Variants in CPNE8 observed in about 807,000 individuals in gnomAD.
The protein encoded by CPNE8 is copine-8.
In CPNE8, 45 loss-of-function variants were observed where a neutral mutation model predicts 81.5. That is an observed-to-expected ratio of 0.55 (90% confidence interval 0.44 to 0.71). The LOEUF (loss-of-function observed/expected upper bound fraction) is 0.71. CPNE8 is among the 30% of genes least tolerant of loss of function. The pLI, the probability that CPNE8 is intolerant of heterozygous loss-of-function variation, is 0.00. For missense variants in CPNE8, 594 were observed against 672.1 expected (o/e 0.88, Z 1.28); for synonymous variants, 252 against 226.3 (o/e 1.11, Z -1.02).
intron 7 of CPNE8, among the ~76,000 whole-genome samples, chr12:38,775,199 G>A (rs1344752403): frequency 6.6e-6 from 1 of 152,062 alleles, no homozygotes; most frequent in Admixed American, 6.6e-5. Flanking sequence ...ATAGCTCACG[G>A]CAGCCTTGAA....
intron 7 of CPNE8, among the ~76,000 whole-genome samples, chr12:38,769,790 C>T (rs1385427873): frequency 6.6e-6 from 1 of 152,094 alleles, no homozygotes; most frequent in African/African-American, 2.4e-5. Flanking sequence ...CATAGGCTCA[C>T]TGGTAAATGT....
At chr12:38,726,706 C>T (rs1940707561) in intron 11 of CPNE8, 1 of 152,218 alleles carries the variant, frequency 6.6e-6, no homozygotes, top group South Asian at 2.1e-4. Flanking sequence ...ATTTTTCCAC[C>T]TACAAATCAT....
At chr12:38,739,878 T>C (rs1195978850) in intron 10 of CPNE8, among the ~76,000 whole-genome samples, 1 of 152,178 alleles carries the variant, frequency 6.6e-6, no homozygotes, top group Non-Finnish European at 1.5e-5. Flanking sequence ...ATATTCAGAA[T>C]TAGTTTGTGC....
intron 8 of CPNE8, among the ~76,000 whole-genome samples, chr12:38,765,502 T>C (rs952518471): frequency 1.3e-5 from 2 of 152,192 alleles, no homozygotes; most frequent in Admixed American, 6.5e-5. Context: ...AGTTTTTGTC[T>C]TTCTTACGAA....
At chr12:38,780,210 T>G (rs1039462860) in intron 6 of CPNE8, among the ~76,000 whole-genome samples, 2 of 152,136 alleles carry the variant, frequency 1.3e-5, no homozygotes, top group Admixed American at 6.5e-5. Context: ...TTGTAAAAAA[T>G]CAGTTGACTA....
At chr12:38,737,055 C>A (rs1304109110) in intron 10 of CPNE8, among the ~76,000 whole-genome samples, 1 of 151,970 alleles carries the variant, frequency 6.6e-6, no homozygotes, top group African/African-American at 2.4e-5. Flanking sequence ...CTGTGTGACT[C>A]AGTGTCCTGT....
At chr12:38,802,703 T>G (rs1942704143) in intron 6 of CPNE8, among the ~76,000 whole-genome samples, 1 of 151,658 alleles carries the variant, frequency 6.6e-6, no homozygotes, top group Non-Finnish European at 1.5e-5. Flanking sequence ...CTTCCAAAAA[T>G]CAATGAATCC....
intron 14 of CPNE8, among the ~76,000 whole-genome samples, chr12:38,701,153 C>A (rs1449849613): frequency 1.3e-5 from 2 of 152,116 alleles, no homozygotes; most frequent in Non-Finnish European, 2.9e-5. Flanking sequence ...TGGGAAGTAA[C>A]CTTCTTTCAC....
At chr12:38,668,845 C>T (rs1429495021) in intron 19 of CPNE8, among the ~76,000 whole-genome samples, 2 of 151,766 alleles carry the variant, frequency 1.3e-5, no homozygotes, top group African/African-American at 4.8e-5. Context: ...GTCAGGAGGT[C>T]GAGACCATTC....
chr12:38,865,860 GTTCAAT>G (rs1943905469), intron 3 of CPNE8, among the ~76,000 whole-genome samples: 1 of 152,184 alleles, frequency 6.6e-6, no homozygotes, highest in Admixed American at 6.5e-5. Context: ...GTGTATACTT[GTTCAAT>G]TGAACACATG....
intron 1 of CPNE8, among the ~76,000 whole-genome samples, chr12:38,890,268 T>C (rs1944295814): frequency 1.3e-5 from 2 of 152,144 alleles, no homozygotes. Context: ...TTAGGCTAAA[T>C]ATAATCAACT....
At chr12:38,728,632 G>A (rs979169457) in intron 11 of CPNE8, among the ~76,000 whole-genome samples, 2 of 152,030 alleles carry the variant, frequency 1.3e-5, no homozygotes, top group Admixed American at 6.6e-5. Context: ...ACACCATTAA[G>A]CATAACAACA....
chr12:38,709,915 C>A (rs1166104502), intron 13 of CPNE8, among the ~76,000 whole-genome samples: 1 of 152,070 alleles, frequency 6.6e-6, no homozygotes, highest in East Asian at 1.9e-4. Flanking sequence ...GCCTTATTTT[C>A]TATCCTTTCT....
intron 6 of CPNE8, among the ~76,000 whole-genome samples, chr12:38,808,748 TATA>T (rs1172928374): frequency 6.6e-6 from 1 of 150,614 alleles, no homozygotes; most frequent in Non-Finnish European, 1.5e-5. Flanking sequence ...AAACTTAAAG[TATA>T]ATAATAATAA....
Position 38,653,709 on chromosome 12 carries a change from A to G in CPNE8, c.*173T>C. 3 of 912,752 alleles carry G rather than the reference A, an allele frequency of 3.3e-6. No homozygotes were observed. Among genetic ancestry groups the G allele is most frequent in the Non-Finnish European group, 4.5e-6 (3 of 673,318 alleles). 56.5% of individuals were successfully genotyped at this position (912,752 alleles called of 1,614,324 possible). ...TTTCTGTTGCTCATGCAACAACCAT[A>G]TTTACAGTTTTGGTTTAGGAAGATA... On this transcript the variant is annotated 3_prime_UTR_variant, in exon 20 of 20. Coordinates refer to ENST00000331366, the MANE Select transcript of CPNE8 (RefSeq NM_153634.3).
chr12:38,761,281 G>A (rs952119774), intron 9 of CPNE8, among the ~76,000 whole-genome samples: 1 of 152,080 alleles, frequency 6.6e-6, no homozygotes, highest in African/African-American at 2.4e-5. Context: ...CCTCTCTCCT[G>A]GAGTTTCTGA....
chr12:38,814,054 G>A (rs1375639916), intron 6 of CPNE8, among the ~76,000 whole-genome samples: 2 of 152,120 alleles, frequency 1.3e-5, no homozygotes, highest in East Asian at 3.9e-4. Flanking sequence ...AAGAGTCTTT[G>A]AGGATAGAAA....
intron 6 of CPNE8, among the ~76,000 whole-genome samples, chr12:38,816,260 G>A (rs767927677): frequency 2.6e-5 from 4 of 152,064 alleles, no homozygotes; most frequent in Non-Finnish European, 4.4e-5. Flanking sequence ...CTATTATCCT[G>A]GAAAATTCAG....
chr12:38,721,976 G>C (rs956307519), intron 13 of CPNE8, among the ~76,000 whole-genome samples: 2 of 152,108 alleles, frequency 1.3e-5, no homozygotes, highest in Non-Finnish European at 2.9e-5. Context: ...CTTCATACCT[G>C]ATTCACCCTT....
Sources: gnomAD v4.1 joint callset for allele counts (sites outside exome capture counted in the v4.1 genomes callset) on GRCh38, gnomAD v4.1.1 for gene constraint, MANE v1.5 for transcripts, NCBI Gene and HGNC (gene_info 2026-07-23, HGNC 2026-07-21) for gene names.